The following SOX5 variants were observed in gnomAD, a reference collection of about 807,000 sequenced individuals.
SOX5 encodes the protein transcription factor SOX-5.
In SOX5, 9 loss-of-function variants were observed where a neutral mutation model predicts 92.0. The ratio of observed to expected loss-of-function variants is 0.10; its 90% CI spans 0.06 to 0.17. The LOEUF (loss-of-function observed/expected upper bound fraction) is 0.17, where lower values mean the gene tolerates loss of function less well. Among genes scored for constraint, SOX5 ranks in the 10% least tolerant of loss-of-function variants. SOX5 has a pLI of 1.00. For missense variants in SOX5, 642 were observed against 944.5 expected (o/e 0.68, Z 4.20); for synonymous variants, 344 against 336.3 (o/e 1.02, Z -0.25).
Position 24,162,447 on chromosome 12 carries a change from G to A in SOX5, c.-2+50896C>T, listed in dbSNP as rs1306032142. ...CAGTGTTCAGTTGTTGAGAACTTTT[G>A]GTCCATAACTATTGGCACAGATTTT... On this transcript the variant is annotated intron_variant, in intron 4 of 4. Transcript: ENST00000446891. 5.3e-5 allele frequency among the ~76,000 whole-genome samples: 8 copies of A among 152,162 alleles called. No individual in the cohort carries two copies. The South Asian group carries it at 1.7e-3, about 32-fold the overall frequency.
At chr12:24,121,885 CAAAAAAAAAAAAAA>C (rs900951883) in intron 4 of SOX5, among the ~76,000 whole-genome samples, 5 of 48,258 alleles carry the variant, frequency 1.0e-4, no homozygotes, top group Non-Finnish European at 1.5e-4. Context: ...GACTCTATCT[CAAAAAAAAAAAAAA>C]AAAAAAAAAA....
Position 24,095,361 on chromosome 12 carries a change from C to A in SOX5, c.-2+117982G>T, listed in dbSNP as rs115307718. ...ATGTGTGGCAAATAGTTGCTTGATT[C>A]CTTCCTTCCTCATCCCATACAAAGT... On this transcript the variant is annotated intron_variant, in intron 4 of 4. Coordinates refer to the SOX5 transcript ENST00000446891. Among the ~76,000 whole-genome samples, 626 of 152,038 alleles carry A rather than the reference C, an allele frequency of 4.1e-3. 8 individuals are homozygous for A. Among genetic ancestry groups the A allele is most frequent in the African/African-American group, 0.015 (609 of 41,516 alleles).
chr12:23,706,587 G>C (rs1397750444), intron 6 of SOX5, among the ~76,000 whole-genome samples: 1 of 151,864 alleles, frequency 6.6e-6, no homozygotes, highest in African/African-American at 2.4e-5. Context: ...TTAAAATATG[G>C]AATGAAAAAT....
rs140904569 is a variant in SOX5, at chr12:23,869,764, C to T, written c.271-23571G>A. Among the ~76,000 whole-genome samples, 824 of 152,234 alleles carry T rather than the reference C, an allele frequency of 5.4e-3. 4 individuals carry two copies. Among genetic ancestry groups the T allele is most frequent in the Non-Finnish European group, 8.6e-3 (583 of 67,982 alleles). On this transcript the variant is annotated intron_variant, in intron 2 of 14. Coordinates refer to ENST00000451604, the MANE Select transcript of SOX5 (RefSeq NM_006940.6). ...TTTGTGAGTAGTACTGCTCTAGAAT[C>T]ATATGCCAGAAATTTTCTATTCTTC...
At position 23,718,446 on chromosome 12, in the gene SOX5, C is replaced by G. The variant is rs546072226; in HGVS notation, c.810+16238G>C. On this transcript the variant is annotated intron_variant, in intron 6 of 14. Coordinates refer to ENST00000451604, the MANE Select transcript of SOX5 (RefSeq NM_006940.6). ...AGAGAGATTGGAAAAATGGAATCAA[C>G]ATCTTAAGGTTCATAATTTCAGGGA... 1.6e-4 allele frequency among the ~76,000 whole-genome samples: 24 copies of G among 152,272 alleles called. 1 individual carries two copies. Among genetic ancestry groups the G allele is most frequent in the African/African-American group, 5.5e-4 (23 of 41,564 alleles).
At chr12:24,137,854 A>G (rs539815405) in intron 4 of SOX5, among the ~76,000 whole-genome samples, 3 of 152,356 alleles carry the variant, frequency 2.0e-5, no homozygotes, top group East Asian at 1.9e-4. Flanking sequence ...GGCCGTAGCC[A>G]GGATCGTGAT....
chr12:23,721,694 T>C (rs2092825298), intron 6 of SOX5, among the ~76,000 whole-genome samples: 1 of 152,176 alleles, frequency 6.6e-6, no homozygotes, highest in Admixed American at 6.5e-5. Flanking sequence ...TAAACATTAG[T>C]AGTCAATTCT....
intron 3 of SOX5, among the ~76,000 whole-genome samples, chr12:24,223,103 C>T (rs1960913340): frequency 6.6e-6 from 1 of 152,150 alleles, no homozygotes; most frequent in African/African-American, 2.4e-5. Flanking sequence ...TTAGATGTTT[C>T]TTCATGTGTA....
intron 1 of SOX5, among the ~76,000 whole-genome samples, chr12:23,922,072 C>G (rs148797975): frequency 1.9e-3 from 296 of 152,296 alleles, no homozygotes; most frequent in African/African-American, 6.0e-3. Context: ...CAACTCCCCC[C>G]CTGGGCTCCC....
At chr12:23,848,377 G>T (rs1025023910) in intron 2 of SOX5, among the ~76,000 whole-genome samples, 1 of 152,108 alleles carries the variant, frequency 6.6e-6, no homozygotes, top group African/African-American at 2.4e-5. Flanking sequence ...TATTTCACAA[G>T]TATTCTAAAC....
intron 7 of SOX5, among the ~76,000 whole-genome samples, chr12:23,659,437 A>T (rs985820571): frequency 2.0e-5 from 3 of 152,202 alleles, no homozygotes; most frequent in Non-Finnish European, 4.4e-5. Flanking sequence ...AGCTTGGCTC[A>T]TCGACTTCTA....
intron 1 of SOX5, among the ~76,000 whole-genome samples, chr12:24,418,864 C>T (rs1352696175): frequency 1.3e-5 from 2 of 152,124 alleles, no homozygotes; most frequent in African/African-American, 4.8e-5. Context: ...AAAAACTGGG[C>T]ATCAGGGCAG....
chr12:23,818,043 T>C (rs2096030484), intron 3 of SOX5, among the ~76,000 whole-genome samples: 2 of 152,218 alleles, frequency 1.3e-5, no homozygotes, highest in Admixed American at 6.5e-5. Flanking sequence ...TTATACAAGT[T>C]GTTAAAACAC....
chr12:23,882,421 A>G, intron 2 of SOX5, among the ~76,000 whole-genome samples: 1 of 152,084 alleles, frequency 6.6e-6, no homozygotes, highest in Non-Finnish European at 1.5e-5. Flanking sequence ...ACCATGTCCT[A>G]AAAGAATATC....
At chr12:24,400,447 G>A (rs1429936150) in intron 1 of SOX5, among the ~76,000 whole-genome samples, 1 of 152,186 alleles carries the variant, frequency 6.6e-6, no homozygotes, top group African/African-American at 2.4e-5. Flanking sequence ...TTTTAGGAAA[G>A]TTGCTGAGCA....
intron 3 of SOX5, among the ~76,000 whole-genome samples, chr12:24,254,322 A>T (rs529553217): frequency 1.2e-4 from 18 of 151,838 alleles, no homozygotes; most frequent in Non-Finnish European, 2.1e-4. Flanking sequence ...ATTGCAATCC[A>T]TTAGCACAGA....
intron 8 of SOX5, among the ~76,000 whole-genome samples, chr12:23,637,213 T>C (rs2079375700): frequency 6.6e-6 from 1 of 152,222 alleles, no homozygotes; most frequent in Non-Finnish European, 1.5e-5. Context: ...GCAAGGCTAT[T>C]TCAGCTGTTC....
intron 6 of SOX5, among the ~76,000 whole-genome samples, chr12:23,713,992 T>A (rs544534441): frequency 6.6e-6 from 1 of 150,654 alleles, no homozygotes; most frequent in Non-Finnish European, 1.5e-5. Context: ...CTCGCAAAGC[T>A]GAGGCAGGAT....
At position 23,567,464 on chromosome 12, in the gene SOX5, ATTTTT is replaced by A. The variant is rs35620007; in HGVS notation, c.1343-4066_1343-4062del. 2.7e-4 allele frequency among the ~76,000 whole-genome samples: 32 copies of A among 119,138 alleles called. No individual in the cohort carries two copies. The East Asian group carries it at 6.3e-3, about 23-fold the overall frequency. 78.2% of individuals were successfully genotyped at this position (119,138 alleles called of 152,430 possible). A position where few individuals can be genotyped will look rare whatever the true frequency, so the allele number is the denominator to read the frequency against. On this transcript the variant is annotated intron_variant, in intron 10 of 14. Coordinates refer to ENST00000451604, the MANE Select transcript of SOX5 (RefSeq NM_006940.6). The stretch of plus-strand genomic sequence containing the variant: ...GTTAAATTCACTATAATTTGATTTG[ATTTTT>A]TTTTTTTTTTTTTTTTTGAAACAAG...
Sources: allele counts gnomAD v4.1 joint callset (sites outside exome capture counted in the v4.1 genomes callset), GRCh38; gene constraint gnomAD v4.1.1; transcripts MANE v1.5; gene names NCBI Gene and HGNC (gene_info 2026-07-23, HGNC 2026-07-21).